The following DMD variants were observed in gnomAD, a reference collection of about 807,000 sequenced individuals.
The protein encoded by DMD is mutant dystrophin.
In DMD, 63 loss-of-function variants were observed where a neutral mutation model predicts 330.1. The ratio of observed to expected loss-of-function variants is 0.19; its 90% confidence interval spans 0.16 to 0.24. The LOEUF is 0.24. Ranked by LOEUF, DMD falls within the 10% of genes least tolerant of loss-of-function variation. The pLI is 1.00. For synonymous variants in DMD, 1,223 were observed against 959.8 expected (o/e 1.27, Z -5.07); for missense variants, 3,344 against 2,684.1 (o/e 1.25, Z -5.43).
intron 50 of DMD, among the ~76,000 whole-genome samples, chrX:31,802,165 A>AT (rs200347674): frequency 0.12 from 12,026 of 102,592 alleles, 531 homozygotes; most frequent in Middle Eastern, 0.15. Context: ...GTGGGATATC[A>AT]TTTCTTTTTT....
At chrX:33,010,900 A>G (rs952809131) in intron 2 of DMD, among the ~76,000 whole-genome samples, 1 of 111,234 alleles carries the variant, frequency 9.0e-6, no homozygotes, top group Non-Finnish European at 1.9e-5. Context: ...GACCTGTTAG[A>G]AATCCGGATT....
At chrX:32,699,007 C>A in intron 8 of DMD, 105 bp downstream of exon 8, 1 of 691,839 alleles carries the variant, frequency 1.4e-6, no homozygotes, top group Non-Finnish European at 2.3e-6. Flanking sequence ...TGTATATATA[C>A]ACGTGTATAT....
intron 47 of DMD, among the ~76,000 whole-genome samples, chrX:31,891,009 A>G (rs1451289622): frequency 8.9e-6 from 1 of 112,064 alleles, no homozygotes; most frequent in Non-Finnish European, 1.9e-5. Flanking sequence ...TTATACTATG[A>G]AGCAAATGCA....
At chrX:33,004,395 G>C (rs2093351250) in intron 2 of DMD, among the ~76,000 whole-genome samples, 2 of 111,218 alleles carry the variant, frequency 1.8e-5, no homozygotes, top group Non-Finnish European at 3.8e-5. Context: ...AGTGTGGAAT[G>C]AGACTTACCA....
intron 74 of DMD, among the ~76,000 whole-genome samples, chrX:31,151,112 G>A (rs760719023): frequency 9.0e-6 from 1 of 111,662 alleles, no homozygotes; most frequent in South Asian, 3.9e-4. Flanking sequence ...TTCTGCACAC[G>A]GGTCTTCTGG....
intron 7 of DMD, among the ~76,000 whole-genome samples, chrX:32,703,697 T>C (rs1219110319): frequency 9.0e-6 from 1 of 111,649 alleles, no homozygotes; most frequent in African/African-American, 3.3e-5. Context: ...CCTAAGTATT[T>C]GTTAAGAAAC....
chrX:31,243,493 T>A (rs1022953097), intron 63 of DMD, among the ~76,000 whole-genome samples: 1 of 112,130 alleles, frequency 8.9e-6, no homozygotes, highest in African/African-American at 3.2e-5. Context: ...TCAGAAAAGT[T>A]TGGAAGAGTT....
chrX:31,822,642 A>G (rs765515952), intron 49 of DMD, among the ~76,000 whole-genome samples: 1 of 24,576 alleles, frequency 4.1e-5, no homozygotes, highest in East Asian at 2.0e-3. Context: ...CCATACAGAA[A>G]AAGGCAGAGG....
chrX:31,914,153 G>A (rs2094580162), intron 47 of DMD, among the ~76,000 whole-genome samples: 1 of 112,041 alleles, frequency 8.9e-6, no homozygotes, highest in Non-Finnish European at 1.9e-5. Context: ...GTATGGGGGT[G>A]TGGAGAGGGA....
At chrX:33,217,938 T>G (rs952352434) in intron 1 of DMD, among the ~76,000 whole-genome samples, 4 of 111,381 alleles carry the variant, frequency 3.6e-5, no homozygotes, top group Non-Finnish European at 7.6e-5. Context: ...TTTTCTTGCA[T>G]TTTTACACTA....
At chrX:32,927,490 C>A (rs1467659388) in intron 2 of DMD, among the ~76,000 whole-genome samples, 3 of 107,458 alleles carry the variant, frequency 2.8e-5, no homozygotes, top group Non-Finnish European at 5.7e-5. Flanking sequence ...CCATGTTGGT[C>A]AGGCTGGTCT....
intron 2 of DMD, among the ~76,000 whole-genome samples, chrX:32,865,171 T>TA (rs1158132477): frequency 8.9e-6 from 1 of 111,737 alleles, no homozygotes; most frequent in Non-Finnish European, 1.9e-5. Context: ...ATGTAACCAG[T>TA]ATTATGCATC....
chrX:32,780,300 G>A (rs140625745), intron 7 of DMD, among the ~76,000 whole-genome samples: 1,791 of 112,000 alleles, frequency 0.016, 24 homozygotes, highest in Middle Eastern at 0.028. Flanking sequence ...TCTTATGCCC[G>A]ACAGAACTAT....
intron 1 of DMD, among the ~76,000 whole-genome samples, chrX:33,134,978 T>C (rs1305223875): frequency 8.9e-6 from 1 of 111,904 alleles, no homozygotes; most frequent in Admixed American, 9.5e-5. Context: ...TCAGTAGGTA[T>C]AATCCTGTTC....
chrX:31,357,570 C>G (rs1356699790), intron 60 of DMD, among the ~76,000 whole-genome samples: 1 of 111,147 alleles, frequency 9.0e-6, no homozygotes, highest in Non-Finnish European at 1.9e-5. Context: ...TTAATAAAGG[C>G]TGGAAGGGGG....
chrX:32,728,895 G>T (rs867908348), intron 7 of DMD, among the ~76,000 whole-genome samples: 4 of 111,486 alleles, frequency 3.6e-5, no homozygotes, highest in South Asian at 3.7e-4. Flanking sequence ...TTTCCATCTT[G>T]CCATGCCAAA....
At chrX:32,423,534 G>A (rs1033920846) in intron 29 of DMD, among the ~76,000 whole-genome samples, 1 of 109,850 alleles carries the variant, frequency 9.1e-6, no homozygotes, top group South Asian at 3.8e-4. Flanking sequence ...CTTTGTGTCT[G>A]GACCCCAAAA....
chrX:31,790,408 G>A (rs1260905925), intron 50 of DMD, among the ~76,000 whole-genome samples: 2 of 111,543 alleles, frequency 1.8e-5, no homozygotes, highest in Non-Finnish European at 3.8e-5. Context: ...ATCCTTTCAT[G>A]CATCTATTTT....
intron 55 of DMD, among the ~76,000 whole-genome samples, chrX:31,593,233 A>G (rs972711217): frequency 1.8e-5 from 2 of 111,330 alleles, no homozygotes; most frequent in African/African-American, 6.5e-5. Flanking sequence ...ACACAGTTTA[A>G]GTAATTTGCC....
Sources: allele counts gnomAD v4.1 joint callset (sites outside exome capture counted in the v4.1 genomes callset), GRCh38; gene constraint gnomAD v4.1.1; transcripts MANE v1.5; gene names NCBI Gene and HGNC (gene_info 2026-07-23, HGNC 2026-07-21).